MICU3: variants seen among roughly 807,000 people sequenced by gnomAD.
MICU3 encodes calcium uptake protein 3, mitochondrial.
In MICU3, 62 loss-of-function variants were observed where a neutral mutation model predicts 66.5. That is an observed-to-expected ratio of 0.93 (90% CI 0.76 to 1.15). The LOEUF (loss-of-function observed/expected upper bound fraction) is 1.15, where lower values mean the gene tolerates loss of function less well. Among genes scored for constraint, MICU3 ranks in the 50% most tolerant of loss-of-function variants. The pLI, the probability that MICU3 is intolerant of heterozygous loss-of-function variation, is 0.00. For synonymous variants in MICU3, 308 were observed against 240.7 expected, an observed-to-expected ratio of 1.28 and a Z score of -2.59; for missense variants, 779 against 664.4, an observed-to-expected ratio of 1.17 and a Z score of -1.90.
At chr8:17,119,688 C>G (rs1803043711) in intron 14 of MICU3, among the ~76,000 whole-genome samples, 1 of 151,950 alleles carries the variant, frequency 6.6e-6, no homozygotes, top group Admixed American at 6.6e-5. Context: ...GTTTCTTCCC[C>G]ATAGAGTTTA....
At chr8:17,130,850 T>C in the MICU3 span, among the ~76,000 whole-genome samples, 5 of 152,228 alleles carry the variant, frequency 3.3e-5, no homozygotes, top group African/African-American at 7.2e-5. Context: ...GTAATTAATG[T>C]TAAATGTAAG....
chr8:17,060,719 C>A (rs1006542387), intron 1 of MICU3, among the ~76,000 whole-genome samples: 1 of 152,080 alleles, frequency 6.6e-6, no homozygotes, highest in Non-Finnish European at 1.5e-5. Context: ...GAGGAAGCAA[C>A]CAGTTGGTGG....
chr8:17,061,663 C>T (rs192192561), intron 1 of MICU3, among the ~76,000 whole-genome samples: 23 of 152,202 alleles, frequency 1.5e-4, no homozygotes, highest in Admixed American at 3.3e-4. Flanking sequence ...GGTGATAAAT[C>T]ATGGTTGATT....
intron 1 of MICU3, among the ~76,000 whole-genome samples, chr8:17,041,507 G>A (rs1385638569): frequency 6.6e-6 from 1 of 152,092 alleles, no homozygotes; most frequent in Admixed American, 6.5e-5. Context: ...AGGTAAAGTG[G>A]ACTAAGTGAG....
At chr8:17,068,745 A>G (rs748028405) in intron 2 of MICU3, among the ~76,000 whole-genome samples, 1 of 152,208 alleles carries the variant, frequency 6.6e-6, no homozygotes, top group Non-Finnish European at 1.5e-5. Context: ...AAAACTACAC[A>G]GCAAAAATTG....
At chr8:17,084,114 A>C (rs1298121768) in intron 5 of MICU3, among the ~76,000 whole-genome samples, 3 of 152,088 alleles carry the variant, frequency 2.0e-5, no homozygotes, top group African/African-American at 7.2e-5. Context: ...AAAACTGTGA[A>C]AAGAGGGCTG....
At chr8:17,126,214 C>A (rs1394372311), downstream of MICU3, among the ~76,000 whole-genome samples, 2 of 151,936 alleles carry the variant, frequency 1.3e-5, no homozygotes, top group Non-Finnish European at 2.9e-5. Context: ...TACCTGAATC[C>A]TTCACTTAAG....
At chr8:17,137,903 G>C in the MICU3 span, among the ~76,000 whole-genome samples, 1 of 151,636 alleles carries the variant, frequency 6.6e-6, no homozygotes, top group African/African-American at 2.4e-5. Context: ...TTTTCGTAGA[G>C]ACAGGGTTTC....
Position 17,037,543 on chromosome 8 carries a change from C to T in MICU3, c.381+9883C>T, listed in dbSNP as rs146110488. Among the ~76,000 whole-genome samples the T allele has an allele frequency of 4.0e-4, 61 of 152,348 alleles. No individual in the cohort carries two copies. In the East Asian group the frequency reaches 0.011, roughly 27 times the overall value. On this transcript the variant is annotated intron_variant, in intron 1 of 14. Transcript: ENST00000318063. ...AACGCCTGGATGTCCAGGTAGAAGT[C>T]TGCTGCAAGGACAGAGCCCTCATGG...
chr8:17,065,435 G>A (rs1284514219), intron 2 of MICU3, among the ~76,000 whole-genome samples: 1 of 152,172 alleles, frequency 6.6e-6, no homozygotes, highest in East Asian at 1.9e-4. Flanking sequence ...GTGTATGAAT[G>A]AAATTGCCTA....
At chr8:17,041,621 C>T (rs193295433) in intron 1 of MICU3, among the ~76,000 whole-genome samples, 2 of 150,852 alleles carry the variant, frequency 1.3e-5, no homozygotes, top group African/African-American at 2.4e-5. Context: ...GGAAGACCCT[C>T]GATCGTGTTT....
chr8:17,094,444 G>A (rs1800447182), intron 8 of MICU3, among the ~76,000 whole-genome samples: 1 of 152,088 alleles, frequency 6.6e-6, no homozygotes, highest in East Asian at 1.9e-4. Flanking sequence ...ACATTTTAAT[G>A]TAGGAAAAAC....
chr8:17,036,922 G>C (rs1585168872), intron 1 of MICU3, among the ~76,000 whole-genome samples: 1 of 152,240 alleles, frequency 6.6e-6, no homozygotes, highest in Non-Finnish European at 1.5e-5. Context: ...GTGGGTGGGA[G>C]GCTCAGGCAT....
rs536040440 is a variant in MICU3, at chr8:17,073,299, A to T, written c.567+3580A>T. On this transcript the variant is annotated intron_variant, in intron 3 of 14. Coordinates refer to ENST00000318063, the MANE Select transcript of MICU3 (RefSeq NM_181723.3). ...CCACTCTCCATCACTCATTGCTCACATTACTGCCTGAGCTCTGCCTCCTGT... is the reference window on the plus strand; with the variant it reads ...CCACTCTCCATCACTCATTGCTCACTTTACTGCCTGAGCTCTGCCTCCTGT... 2.1e-3 allele frequency among the ~76,000 whole-genome samples: 317 copies of T among 152,214 alleles called. 1 individual carries two copies. Among genetic ancestry groups the T allele is most frequent in the Non-Finnish European group, 3.5e-3 (235 of 68,004 alleles).
intron 3 of MICU3, among the ~76,000 whole-genome samples, chr8:17,072,634 G>A (rs1215055075): frequency 3.3e-5 from 5 of 152,000 alleles, no homozygotes; most frequent in Non-Finnish European, 7.4e-5. Flanking sequence ...TTGCAGTCAC[G>A]TAGAACCCCT....
intron 1 of MICU3, among the ~76,000 whole-genome samples, chr8:17,059,185 A>G (rs1464782155): frequency 1.3e-5 from 2 of 152,156 alleles, no homozygotes; most frequent in African/African-American, 2.4e-5. Flanking sequence ...GGGGATTCCT[A>G]TTTATGCTGC....
intron 4 of MICU3, among the ~76,000 whole-genome samples, chr8:17,079,564 T>C (rs1820867517): frequency 6.6e-6 from 1 of 152,056 alleles, no homozygotes; most frequent in African/African-American, 2.4e-5. Context: ...ATTTATTGAG[T>C]CAGGGTCTCA....
intron 1 of MICU3, among the ~76,000 whole-genome samples, chr8:17,058,527 T>C (rs1354959185): frequency 6.6e-6 from 1 of 152,174 alleles, no homozygotes; most frequent in Non-Finnish European, 1.5e-5. Context: ...GCCTTTATTA[T>C]TGATGTTTTT....
intron 4 of MICU3, among the ~76,000 whole-genome samples, chr8:17,078,473 G>C (rs1257514348): frequency 2.6e-5 from 4 of 151,696 alleles, no homozygotes; most frequent in South Asian, 2.1e-4. Context: ...TTCTTTTACA[G>C]GGTACCTTTT....
Sources: allele counts gnomAD v4.1 joint callset (sites outside exome capture counted in the v4.1 genomes callset), GRCh38; gene constraint gnomAD v4.1.1; transcripts MANE v1.5; gene names NCBI Gene and HGNC (gene_info 2026-07-23, HGNC 2026-07-21).